BTBD9: variants seen among roughly 807,000 people sequenced by gnomAD.
BTBD9 encodes the protein BTB/POZ domain-containing protein 9.
A neutral mutation model predicts 64.3 loss-of-function variants in BTBD9; 49 were observed. That is an observed-to-expected ratio of 0.76 (90% CI 0.61 to 0.97). The LOEUF (loss-of-function observed/expected upper bound fraction) is 0.97. Among genes scored for constraint, BTBD9 ranks in the 50% least tolerant of loss-of-function variants. The probability of loss-of-function intolerance (pLI) is 0.00; values close to 1 mark genes in which losing one functional copy is unlikely to be tolerated. For missense variants in BTBD9, 598 were observed against 762.1 expected (o/e 0.78, Z 2.53); for synonymous variants, 260 against 274.7 (o/e 0.95, Z 0.53).
chr6:38,464,734 G>C (rs1047975441), intron 6 of BTBD9, among the ~76,000 whole-genome samples: 1 of 152,142 alleles, frequency 6.6e-6, no homozygotes, highest in Non-Finnish European at 1.5e-5. Flanking sequence ...GACCTCAGGT[G>C]ATCTGCCTGC....
Position 38,616,955 on chromosome 6 carries a change from T to C in BTBD9, c.-27-18834A>G, listed in dbSNP as rs57012874. ...GCAGGAACAAACTCCGGACACATCT[T>C]GGGGACTTGTCCAGGATATCGCTAT... On this transcript the variant is annotated intron_variant, in intron 1 of 10. Coordinates refer to ENST00000481247, the MANE Select transcript of BTBD9 (RefSeq NM_001099272.2). Among the ~76,000 whole-genome samples, 1,053 of 152,236 alleles carry C rather than the reference T, an allele frequency of 6.9e-3. 13 individuals carry two copies. Among genetic ancestry groups the C allele is most frequent in the African/African-American group, 0.024 (1,001 of 41,542 alleles).
chr6:38,185,894 G>A (rs1362076777), intron 10 of BTBD9, among the ~76,000 whole-genome samples: 2 of 152,140 alleles, frequency 1.3e-5, no homozygotes, highest in African/African-American at 2.4e-5. Context: ...CCTGCAGCCC[G>A]TTGTATGAGA....
rs533167178 is a variant in BTBD9, at chr6:38,488,586, C to T, written c.1154+89014G>A. On this transcript the variant is annotated intron_variant, in intron 6 of 10. Transcript: ENST00000481247. ...TTCTCACTGTGCCATGAGGCCTTTACCTTATTACAGAGACATGCTCTGCAA... is the reference window on the plus strand; with the variant it reads ...TTCTCACTGTGCCATGAGGCCTTTATCTTATTACAGAGACATGCTCTGCAA... Among the ~76,000 whole-genome samples, 4 of 152,252 alleles carry T rather than the reference C, an allele frequency of 2.6e-5. No homozygotes were observed. The South Asian group carries it at 8.3e-4, about 32-fold the overall frequency.
chr6:38,530,111 AGGACTGAGATACGCCCT>A (rs1207873850), intron 6 of BTBD9, among the ~76,000 whole-genome samples: 2 of 152,194 alleles, frequency 1.3e-5, no homozygotes, highest in African/African-American at 4.8e-5. Flanking sequence ...AGTTGAGATA[AGGACTGAGATACGCCCT>A]GGTCTCCTGC....
chr6:38,174,907 A>C lies in BTBD9; in HGVS notation c.*78T>G, dbSNP rs1766929060. The C allele has an allele frequency of 1.6e-5, 24 of 1,538,324 alleles. No homozygotes were observed. The South Asian group carries it at 2.0e-4, about 13-fold the overall frequency. On this transcript the variant is annotated 3_prime_UTR_variant, in exon 11 of 11. Transcript: ENST00000481247. ...AGGGGCAGAGGTGGGGGCAGTCAAC[A>C]GAGACCCCTGCTCAGGGAGGAGACC... is the stretch of plus-strand genomic sequence containing the variant.
intron 6 of BTBD9, among the ~76,000 whole-genome samples, chr6:38,527,925 C>T (rs1207637800): frequency 1.3e-5 from 2 of 151,884 alleles, no homozygotes; most frequent in Non-Finnish European, 2.9e-5. Flanking sequence ...AATTTAACAA[C>T]TATCCACATA....
At chr6:38,540,219 C>A (rs1039832973) in intron 6 of BTBD9, among the ~76,000 whole-genome samples, 1 of 152,170 alleles carries the variant, frequency 6.6e-6, no homozygotes, top group Non-Finnish European at 1.5e-5. Context: ...TATCAAACAA[C>A]TTTTTGGCCT....
At chr6:38,598,167 C>A in intron 1 of BTBD9, 46 bp from the exon 2 acceptor site, 1 of 1,429,062 alleles carries the variant, frequency 7.0e-7, no homozygotes, top group Non-Finnish European at 9.6e-7. Flanking sequence ...GAGGGGAGTA[C>A]ACATAGAAAA....
intron 6 of BTBD9, among the ~76,000 whole-genome samples, chr6:38,389,631 C>T (rs181049184): frequency 2.6e-4 from 40 of 152,178 alleles, no homozygotes; most frequent in Admixed American, 5.2e-4. Flanking sequence ...GCATAGATAT[C>T]CAAATTGATT....
chr6:38,614,105 T>A (rs1271168108), intron 1 of BTBD9, among the ~76,000 whole-genome samples: 1 of 152,158 alleles, frequency 6.6e-6, no homozygotes, highest in African/African-American at 2.4e-5. Flanking sequence ...GTCTCTCCTC[T>A]CATACCTCCA....
chr6:38,417,152 T>G (rs1767705138), intron 6 of BTBD9, among the ~76,000 whole-genome samples: 1 of 152,226 alleles, frequency 6.6e-6, no homozygotes, highest in South Asian at 2.1e-4. Flanking sequence ...GGTCTCACTA[T>G]GTTACACAGG....
intron 4 of BTBD9, 25 bp from the exon 5 acceptor site, chr6:38,580,462 A>C: frequency 6.4e-7 from 1 of 1,570,624 alleles, no homozygotes. Flanking sequence ...AGAAAAAGCA[A>C]GGTTAATGAT....
At chr6:38,532,497 G>A (rs1387937755) in intron 6 of BTBD9, among the ~76,000 whole-genome samples, 1 of 152,148 alleles carries the variant, frequency 6.6e-6, no homozygotes, top group Non-Finnish European at 1.5e-5. Flanking sequence ...ACCACAGGCT[G>A]CTCAGCTCAC....
In BTBD9 at chr6:38,185,954, C is replaced by T. The variant is rs528141514; in HGVS notation, c.1641+6565G>A. 3.9e-5 allele frequency among the ~76,000 whole-genome samples: 6 copies of T among 152,308 alleles called. No individual in the cohort carries two copies. In the South Asian group the frequency reaches 1.0e-3, roughly 26 times the overall value. ...CTGTGGATGGACGCTCATGGTGTCC[C>T]GTTGGGTACAGGATGAACAAGGCTG... On this transcript the variant is annotated intron_variant, in intron 10 of 10. Transcript: ENST00000481247.
At chr6:38,526,800 T>C (rs1773516248) in intron 6 of BTBD9, among the ~76,000 whole-genome samples, 2 of 152,234 alleles carry the variant, frequency 1.3e-5, no homozygotes, top group Non-Finnish European at 1.5e-5. Flanking sequence ...ATTTACCCAA[T>C]GCCTGTATCC....
chr6:38,474,585 A>T (rs1355559940), intron 6 of BTBD9, among the ~76,000 whole-genome samples: 2 of 152,172 alleles, frequency 1.3e-5, no homozygotes, highest in Non-Finnish European at 2.9e-5. Flanking sequence ...AAAAGGAAAG[A>T]GCTGAGAGTA....
chr6:38,328,564 CGTGTGTGTGTGTGTGTGTGTGTGTGTGT>C (rs201357884), intron 7 of BTBD9, among the ~76,000 whole-genome samples: 1 of 130,408 alleles, frequency 7.7e-6, no homozygotes. Context: ...TTTAAGCCAC[CGTGTGTGTGTGTGTGTGTGTGTGTGTGT>C]GTGTGTGTGT....
At chr6:38,277,068 A>G (rs1237997528) in intron 8 of BTBD9, among the ~76,000 whole-genome samples, 1 of 152,212 alleles carries the variant, frequency 6.6e-6, no homozygotes, top group African/African-American at 2.4e-5. Context: ...GAAACCAAAT[A>G]AAATTTATTC....
intron 9 of BTBD9, among the ~76,000 whole-genome samples, chr6:38,252,293 A>G (rs1764428651): frequency 6.6e-6 from 1 of 152,276 alleles, no homozygotes; most frequent in Non-Finnish European, 1.5e-5. Flanking sequence ...CTCTGTTTCA[A>G]TAAAGAGCAG....
Sources: gnomAD v4.1 joint callset for allele counts (sites outside exome capture counted in the v4.1 genomes callset) on GRCh38, gnomAD v4.1.1 for gene constraint, MANE v1.5 for transcripts, NCBI Gene and HGNC (gene_info 2026-07-23, HGNC 2026-07-21) for gene names.